The following PCDHA9 variants were observed in gnomAD, a reference collection of about 807,000 sequenced individuals.
PCDHA9 encodes protocadherin alpha-9.
In PCDHA9, 62 loss-of-function variants were observed where a neutral mutation model predicts 62.0. The ratio of observed to expected loss-of-function variants is 1.00; its 90% CI spans 0.81 to 1.23. PCDHA9 has a LOEUF of 1.23. PCDHA9 is among the 50% of genes most tolerant of loss of function. PCDHA9 has a pLI of 0.00. For synonymous variants in PCDHA9, 557 were observed against 567.6 expected, an observed-to-expected ratio of 0.98 and a Z score of 0.27; for missense variants, 1,205 against 1,249.8, an observed-to-expected ratio of 0.96 and a Z score of 0.54.
chr5:140,882,153 A>G (rs1197738298), intron 1 of PCDHA9: 9 of 1,505,320 alleles, frequency 6.0e-6, no homozygotes, highest in Admixed American at 2.3e-5. Flanking sequence ...CAGAAAGCGG[A>G]ATACCTCTTG....
intron 1 of PCDHA9, chr5:140,870,762 C>T (rs1581982773): frequency 1.2e-6 from 2 of 1,613,514 alleles, no homozygotes; most frequent in East Asian, 2.2e-5. Context: ...TGCAGGTGTT[C>T]GTGCTGGACG....
In PCDHA9 at chr5:140,869,747, C is replaced by G. The variant is rs1554163400; in HGVS notation, c.2394+18858C>G. 1.2e-6 allele frequency: 2 copies of G among 1,613,158 alleles called. No individual in the cohort carries two copies. Reference sequence around the variant, plus strand: ...GAACTTAATTTGCTGCTAACAGCTACAGACGGGGGAAAACCAGAGCTTACT... The same window carrying G: ...GAACTTAATTTGCTGCTAACAGCTAGAGACGGGGGAAAACCAGAGCTTACT... On this transcript the variant is annotated intron_variant, in intron 1 of 3. Coordinates refer to ENST00000532602, the MANE Select transcript of PCDHA9 (RefSeq NM_031857.2).
intron 2 of PCDHA9, among the ~76,000 whole-genome samples, chr5:140,980,721 A>G (rs1219290542): frequency 3.9e-5 from 6 of 152,202 alleles, no homozygotes; most frequent in African/African-American, 1.2e-4. Flanking sequence ...TTCGGGTTTC[A>G]ATTAAGATAT....
In PCDHA9 at chr5:140,968,269, T is replaced by C. The variant is rs558051125; in HGVS notation, c.2395-10680T>C. On this transcript the variant is annotated intron_variant, in intron 1 of 3. Coordinates refer to ENST00000532602, the MANE Select transcript of PCDHA9 (RefSeq NM_031857.2). ...CCACAGACCCAGATGAAAAGGAGAATGCAGAGGTGACCTACTCCCTTCTGG... is the reference window on the plus strand; with the variant it reads ...CCACAGACCCAGATGAAAAGGAGAACGCAGAGGTGACCTACTCCCTTCTGG... 6.9e-5 allele frequency: 112 copies of C among 1,614,074 alleles called. 2 individuals carry two copies. In the South Asian group the frequency reaches 1.1e-3, roughly 16 times the overall value.
chr5:140,891,820 G>A (rs1341896388), intron 1 of PCDHA9, among the ~76,000 whole-genome samples: 1 of 152,102 alleles, frequency 6.6e-6, no homozygotes, highest in African/African-American at 2.4e-5. Context: ...TAAATTAACG[G>A]CACTGTAAAA....
chr5:140,938,761 G>A (rs1414324125), intron 1 of PCDHA9, among the ~76,000 whole-genome samples: 5 of 151,992 alleles, frequency 3.3e-5, no homozygotes, highest in Non-Finnish European at 7.4e-5. Flanking sequence ...CATAGTTATT[G>A]GGTACTAGAC....
At chr5:140,923,185 A>G (rs536691139) in intron 1 of PCDHA9, among the ~76,000 whole-genome samples, 1 of 152,324 alleles carries the variant, frequency 6.6e-6, no homozygotes, top group East Asian at 1.9e-4. Flanking sequence ...AGATGCATCT[A>G]CTGCAGCAAT....
intron 1 of PCDHA9, among the ~76,000 whole-genome samples, chr5:140,971,291 C>T (rs541777110): frequency 1.1e-4 from 17 of 152,164 alleles, no homozygotes; most frequent in Admixed American, 3.3e-4. Flanking sequence ...TTAATATGTA[C>T]TTTGGTACAC....
Position 141,011,633 on chromosome 5 carries a change from G to C in PCDHA9, c.*1696G>C, listed in dbSNP as rs988824031. On this transcript the variant is annotated 3_prime_UTR_variant, in exon 4 of 4. Coordinates refer to ENST00000532602, the MANE Select transcript of PCDHA9 (RefSeq NM_031857.2). ...TTATGGTCCAGCCAAGAGCCATCTC[G>C]TGCCAAGACTTCTGCTGGCAAGGGA... 6.5e-6 allele frequency: 1 copy of C among 153,624 alleles called. No homozygotes were observed. Among genetic ancestry groups the C allele is most frequent in the Non-Finnish European group, 1.5e-5 (1 of 68,022 alleles). 9.5% of individuals were successfully genotyped at this position (153,624 alleles called of 1,614,324 possible). A position where few individuals can be genotyped will look rare whatever the true frequency, so the allele number is the denominator to read the frequency against.
At position 141,010,952 on chromosome 5, in the gene PCDHA9, T is replaced by C. The variant is rs1217882818; in HGVS notation, c.*1015T>C. On this transcript the variant is annotated 3_prime_UTR_variant, in exon 4 of 4. Coordinates refer to ENST00000532602, the MANE Select transcript of PCDHA9 (RefSeq NM_031857.2). ...AGTCTACAGCCATTTAAATGATCAT[T>C]GCTGCTACAGAAGTGCTTTAAGAGA... 1 of 153,792 alleles carries C rather than the reference T, an allele frequency of 6.5e-6. No individual in the cohort carries two copies. Among genetic ancestry groups the C allele is most frequent in the East Asian group, 1.9e-4 (1 of 5,194 alleles). The allele number at this position is 153,792 out of a possible 1,614,324, so 9.5% of individuals were successfully genotyped here. A position where few individuals can be genotyped will look rare whatever the true frequency, so the allele number is the denominator to read the frequency against.
chr5:140,854,159 C>CAAAAA (rs59855104), intron 1 of PCDHA9: 4,589 of 339,800 alleles, frequency 0.014, 33 homozygotes, highest in Middle Eastern at 0.024. Flanking sequence ...GATTCTGTCT[C>CAAAAA]AAAAAAAAAA....
chr5:140,920,511 A>G (rs564811520), intron 1 of PCDHA9, among the ~76,000 whole-genome samples: 1 of 152,284 alleles, frequency 6.6e-6, no homozygotes, highest in East Asian at 1.9e-4. Flanking sequence ...ATACTGTTTT[A>G]TGCAATTCGT....
chr5:140,940,195 T>C (rs2092570084), intron 1 of PCDHA9, among the ~76,000 whole-genome samples: 1 of 152,220 alleles, frequency 6.6e-6, no homozygotes, highest in African/African-American at 2.4e-5. Flanking sequence ...TTTACATGGG[T>C]GTAAAATTCA....
At chr5:140,905,182 A>C (rs1283931938) in intron 1 of PCDHA9, among the ~76,000 whole-genome samples, 1 of 152,172 alleles carries the variant, frequency 6.6e-6, no homozygotes. Context: ...TTTAGATTTA[A>C]GTCTTTGATC....
intron 1 of PCDHA9, chr5:140,852,294 C>T (rs1467732169): frequency 2.1e-6 from 1 of 469,886 alleles, no homozygotes; most frequent in Non-Finnish European, 2.9e-6. Flanking sequence ...TTTTATTTTT[C>T]TGAGACGGAG....
Position 140,860,053 on chromosome 5 carries a change from C to T in PCDHA9, c.2394+9164C>T, listed in dbSNP as rs186329592. The T allele has an allele frequency of 6.0e-5, 9 of 150,766 alleles. No individual in the cohort carries two copies. In the East Asian group the frequency reaches 1.6e-3, roughly 26 times the overall value. 9.3% of individuals were successfully genotyped at this position (150,766 alleles called of 1,614,324 possible). A position where few individuals can be genotyped will look rare whatever the true frequency, so the allele number is the denominator to read the frequency against. ...CCTGTAATCCCAGCATTTTGAGAGGCCAAGGTGGGAGGATGGTTTGAGGCC... is the reference window on the plus strand; with the variant it reads ...CCTGTAATCCCAGCATTTTGAGAGGTCAAGGTGGGAGGATGGTTTGAGGCC... On this transcript the variant is annotated intron_variant, in intron 1 of 3. Transcript: ENST00000532602.
intron 1 of PCDHA9, chr5:140,966,642 G>A (rs897727830): frequency 8.9e-7 from 1 of 1,117,790 alleles, no homozygotes; most frequent in East Asian, 3.1e-5. Flanking sequence ...GCGCTTTCTA[G>A]AGCGTGAGCG....
chr5:140,946,634 A>ATATATATAT (rs1554217761), intron 1 of PCDHA9, among the ~76,000 whole-genome samples: 5 of 147,332 alleles, frequency 3.4e-5, no homozygotes, highest in African/African-American at 7.7e-5. Flanking sequence ...ATATATATAC[A>ATATATATAT]ATGGAATACT....
intron 3 of PCDHA9, chr5:140,989,112 T>C (rs1312650713): frequency 1.3e-5 from 2 of 152,222 alleles, no homozygotes; most frequent in Non-Finnish European, 2.9e-5. Context: ...CTTTTGAATA[T>C]ATCTTAGAAA....
Sources: gnomAD v4.1 joint callset for allele counts (sites outside exome capture counted in the v4.1 genomes callset) on GRCh38, gnomAD v4.1.1 for gene constraint, MANE v1.5 for transcripts, NCBI Gene and HGNC (gene_info 2026-07-23, HGNC 2026-07-21) for gene names.